TMEM273: variants seen among roughly 807,000 people sequenced by gnomAD.
TMEM273 encodes the protein transmembrane protein 273, also known as chromosome 10 open reading frame 128.
Under a neutral mutation model 17.9 loss-of-function variants are expected in TMEM273, and 19 were observed. The observed-to-expected ratio is 1.06, with a 90% CI of 0.74 to 1.55. TMEM273 has a LOEUF of 1.55. Ranked by LOEUF, TMEM273 falls within the 40% of genes most tolerant of loss-of-function variation. The probability of loss-of-function intolerance (pLI) is 0.00; values close to 1 mark genes in which losing one functional copy is unlikely to be tolerated. For synonymous variants in TMEM273, 66 were observed against 62.0 expected (o/e 1.07, Z -0.31); for missense variants, 194 against 155.6 (o/e 1.25, Z -1.31).
intron 1 of TMEM273, among the ~76,000 whole-genome samples, chr10:49,170,495 A>G (rs376456914): frequency 1.2e-4 from 19 of 152,028 alleles, no homozygotes; most frequent in East Asian, 3.9e-4. Context: ...TGTCCCCTCC[A>G]AGCTGTGAGG....
At chr10:49,186,097 A>AAGAAGAAGAAGAAGAAGAGGG in intron 1 of TMEM273, among the ~76,000 whole-genome samples, 1 of 117,166 alleles carries the variant, frequency 8.5e-6, no homozygotes, top group South Asian at 3.2e-4. Context: ...GAAGAAGAAG[A>AAGAAGAAGAAGAAGAAGAGGG]AGAAGAAGAA....
At chr10:49,180,342 A>G (rs981457831) in intron 1 of TMEM273, among the ~76,000 whole-genome samples, 1 of 151,956 alleles carries the variant, frequency 6.6e-6, no homozygotes, top group Non-Finnish European at 1.5e-5. Context: ...GCAATAATTG[A>G]CTCAAACAAG....
At chr10:49,168,251 A>G (rs1368580702) in intron 1 of TMEM273, among the ~76,000 whole-genome samples, 2 of 152,116 alleles carry the variant, frequency 1.3e-5, no homozygotes, top group African/African-American at 4.8e-5. Context: ...TGTGGCTCCC[A>G]AGGCCCTCCT....
chr10:49,184,138 A>G (rs1847522733), intron 1 of TMEM273, among the ~76,000 whole-genome samples: 1 of 152,264 alleles, frequency 6.6e-6, no homozygotes, highest in Non-Finnish European at 1.5e-5. Context: ...CTGATGTCCC[A>G]TACAGAAAAC....
intron 1 of TMEM273, among the ~76,000 whole-genome samples, chr10:49,174,497 T>C (rs752193611): frequency 2.0e-5 from 3 of 152,142 alleles, no homozygotes; most frequent in Non-Finnish European, 4.4e-5. Flanking sequence ...AGAGTCCCCA[T>C]CTCAAACCCC....
intron 6 of TMEM273, among the ~76,000 whole-genome samples, chr10:49,157,811 T>G (rs1325562521): frequency 6.6e-6 from 1 of 152,224 alleles, no homozygotes; most frequent in African/African-American, 2.4e-5. Flanking sequence ...TCCACTATTA[T>G]TTAACATTGG....
At chr10:49,169,083 G>A (rs1432452100) in intron 1 of TMEM273, among the ~76,000 whole-genome samples, 3 of 152,208 alleles carry the variant, frequency 2.0e-5, no homozygotes, top group African/African-American at 7.2e-5. Context: ...GTCCAGGAAG[G>A]CCTACAGACG....
At chr10:49,181,970 G>A (rs1847371798) in intron 1 of TMEM273, among the ~76,000 whole-genome samples, 1 of 152,138 alleles carries the variant, frequency 6.6e-6, no homozygotes, top group Non-Finnish European at 1.5e-5. Flanking sequence ...AGTATATAAA[G>A]AACTCTTAAA....
chr10:49,183,865 A>G (rs17774010), intron 1 of TMEM273, among the ~76,000 whole-genome samples: 21,783 of 152,092 alleles, frequency 0.14, 2,109 homozygotes, highest in Non-Finnish European at 0.22. Flanking sequence ...GAGGAAGTGA[A>G]TTAAGGGCCA....
chr10:49,156,256 G>C, intron 6 of TMEM273: 1 of 1,351,448 alleles, frequency 7.4e-7, no homozygotes, highest in South Asian at 1.2e-5. Flanking sequence ...GATCTGGCCA[G>C]ATGCTACGAG....
chr10:49,183,080 T>C (rs1033028022), intron 1 of TMEM273, among the ~76,000 whole-genome samples: 20 of 152,246 alleles, frequency 1.3e-4, no homozygotes, highest in African/African-American at 4.6e-4. Flanking sequence ...GGAAGGCTAA[T>C]GTGACACAGT....
intron 5 of TMEM273, among the ~76,000 whole-genome samples, chr10:49,164,594 A>C (rs1846046073): frequency 6.6e-6 from 1 of 152,062 alleles, no homozygotes; most frequent in South Asian, 2.1e-4. Flanking sequence ...GAAACTACCT[A>C]TCTCTCCAGC....
Position 49,155,741 on chromosome 10 carries a change from T to C in TMEM273, c.*151A>G. 4 of 1,049,898 alleles carry C rather than the reference T, an allele frequency of 3.8e-6. No individual in the cohort carries two copies. The highest frequency in any genetic ancestry group is 5.7e-6 in the Non-Finnish European group (4 of 702,374). 65.0% of individuals were successfully genotyped at this position (1,049,898 alleles called of 1,614,324 possible). On this transcript the variant is annotated 3_prime_UTR_variant, in exon 7 of 7. Transcript: ENST00000374153. ...TTCAGGACAGAGGCACTGTATATTC[T>C]ATTCCTTCTATTATTTGCCTCCAAT... is the stretch of plus-strand genomic sequence containing the variant.
chr10:49,166,569 G>A (rs1846197902), intron 3 of TMEM273: 1 of 386,192 alleles, frequency 2.6e-6, no homozygotes, highest in Non-Finnish European at 4.9e-6. Context: ...TCTCAGGACT[G>A]CCAAGAGCAA....
intron 1 of TMEM273, among the ~76,000 whole-genome samples, chr10:49,180,351 A>G (rs1847268335): frequency 6.6e-6 from 1 of 152,122 alleles, no homozygotes; most frequent in Admixed American, 6.5e-5. Context: ...GACTCAAACA[A>G]GTGCTAATTA....
intron 1 of TMEM273, among the ~76,000 whole-genome samples, chr10:49,180,877 G>A (rs548009182): frequency 4.4e-4 from 67 of 152,274 alleles, no homozygotes; most frequent in African/African-American, 9.1e-4. Context: ...AATATCTACC[G>A]TCACCACACC....
chr10:49,157,478 A>T (rs1235401836), intron 6 of TMEM273, among the ~76,000 whole-genome samples: 1 of 152,236 alleles, frequency 6.6e-6, no homozygotes, highest in Non-Finnish European at 1.5e-5. Context: ...ACATCCTCCA[A>T]GAATCACATA....
At chr10:49,170,268 G>A (rs1446183107) in intron 1 of TMEM273, among the ~76,000 whole-genome samples, 1 of 152,188 alleles carries the variant, frequency 6.6e-6, no homozygotes, top group African/African-American at 2.4e-5. Context: ...AACATCAAAA[G>A]GCCCCAGCCC....
At chr10:49,172,127 A>G (rs2132199699) in intron 1 of TMEM273, among the ~76,000 whole-genome samples, 1 of 152,328 alleles carries the variant, frequency 6.6e-6, no homozygotes, top group Middle Eastern at 3.4e-3. Context: ...GAGCTCATGA[A>G]TTCCAACATT....
Sources: allele counts gnomAD v4.1 joint callset (sites outside exome capture counted in the v4.1 genomes callset), GRCh38; gene constraint gnomAD v4.1.1; transcripts MANE v1.5; gene names NCBI Gene and HGNC (gene_info 2026-07-23, HGNC 2026-07-21).